Variants in ZC3H12B observed in about 807,000 individuals in gnomAD.
ZC3H12B encodes zinc finger CCCH-type containing 12B, also known as probable ribonuclease ZC3H12B.
In ZC3H12B, 7 loss-of-function variants were observed where a neutral mutation model predicts 43.9. That is an observed-to-expected ratio of 0.16 (90% CI 0.09 to 0.30). The LOEUF is 0.30. ZC3H12B is among the 10% of genes least tolerant of loss of function. The probability of loss-of-function intolerance (pLI) is 1.00; values close to 1 mark genes in which losing one functional copy is unlikely to be tolerated. For missense variants in ZC3H12B, 475 were observed against 670.2 expected (o/e 0.71, Z 3.22); for synonymous variants, 222 against 241.7 (o/e 0.92, Z 0.76).
chrX:65,188,495 G>C, the ZC3H12B span, among the ~76,000 whole-genome samples: 2 of 106,286 alleles, frequency 1.9e-5, no homozygotes, highest in African/African-American at 6.9e-5. Flanking sequence ...CCTGTCTTTT[G>C]AATATAGGCC....
At chrX:65,304,336 A>T in the ZC3H12B span, among the ~76,000 whole-genome samples, 1 of 111,842 alleles carries the variant, frequency 8.9e-6, no homozygotes, top group Non-Finnish European at 1.9e-5. Flanking sequence ...CATTTACCCG[A>T]CCGGGTGCGG....
At chrX:65,435,591 C>A (rs914396816) in intron 3 of ZC3H12B, among the ~76,000 whole-genome samples, 1 of 110,286 alleles carries the variant, frequency 9.1e-6, no homozygotes, top group African/African-American at 3.3e-5. Context: ...TATAGAACCA[C>A]TCCTGGTGCC....
At chrX:65,397,428 A>G (rs773648741) in intron 2 of ZC3H12B, among the ~76,000 whole-genome samples, 1 of 111,510 alleles carries the variant, frequency 9.0e-6, no homozygotes, top group African/African-American at 3.3e-5. Context: ...TTGTCTGTAA[A>G]CAATTTTATT....
the ZC3H12B span, among the ~76,000 whole-genome samples, chrX:65,051,292 G>A: frequency 4.5e-5 from 5 of 110,871 alleles, no homozygotes; most frequent in Non-Finnish European, 7.6e-5. Context: ...TCAAAAAAGC[G>A]CTTTTAATTT....
At chrX:65,386,201 G>T (rs911498470) in intron 2 of ZC3H12B, among the ~76,000 whole-genome samples, 1 of 111,605 alleles carries the variant, frequency 9.0e-6, no homozygotes, top group Non-Finnish European at 1.9e-5. Flanking sequence ...CTATTGATTG[G>T]AATAGTTTCA....
At chrX:65,091,128 G>A in the ZC3H12B span, among the ~76,000 whole-genome samples, 2 of 111,753 alleles carry the variant, frequency 1.8e-5, no homozygotes, top group Non-Finnish European at 3.8e-5. Context: ...AGCAATGCAA[G>A]AATGGACTAA....
chrX:65,188,341 G>A, the ZC3H12B span, among the ~76,000 whole-genome samples: 7,000 of 106,573 alleles, frequency 0.066, 276 homozygotes, highest in Non-Finnish European at 0.1. Context: ...GACATTGCTG[G>A]ATCATGTGGT....
At chrX:65,306,557 T>G in the ZC3H12B span, among the ~76,000 whole-genome samples, 1 of 110,979 alleles carries the variant, frequency 9.0e-6, no homozygotes, top group East Asian at 2.8e-4. Context: ...TGTGTTTTAA[T>G]AGAGACGGGG....
intron 4 of ZC3H12B, among the ~76,000 whole-genome samples, chrX:65,500,739 TTTTG>T (rs2148241666): frequency 9.1e-6 from 1 of 109,785 alleles, no homozygotes; most frequent in Admixed American, 9.7e-5. Flanking sequence ...CCTTTCCAGT[TTTTG>T]TTTTTTTTTT....
the ZC3H12B span, among the ~76,000 whole-genome samples, chrX:65,064,871 G>T: frequency 9.8e-5 from 11 of 111,713 alleles, no homozygotes; most frequent in African/African-American, 3.2e-4. Context: ...TCTTCTTCTT[G>T]TATTGATCCC....
chrX:65,225,400 G>A, the ZC3H12B span, among the ~76,000 whole-genome samples: 6 of 111,941 alleles, frequency 5.4e-5, no homozygotes, highest in African/African-American at 2.0e-4. Flanking sequence ...AAGACCAACA[G>A]TAGATAAAAC....
the ZC3H12B span, among the ~76,000 whole-genome samples, chrX:65,171,375 A>G: frequency 9.0e-6 from 1 of 110,915 alleles, no homozygotes; most frequent in Non-Finnish European, 1.9e-5. Context: ...AGAACGGCAA[A>G]TAGTGCTGCC....
chrX:65,102,802 G>A, the ZC3H12B span, among the ~76,000 whole-genome samples: 2 of 111,207 alleles, frequency 1.8e-5, no homozygotes, highest in Admixed American at 9.6e-5. Context: ...TTTAAAGCTG[G>A]GTGTCCAGGG....
chrX:65,391,752 C>T (rs1200334225), intron 2 of ZC3H12B, among the ~76,000 whole-genome samples: 3 of 111,086 alleles, frequency 2.7e-5, no homozygotes, highest in Non-Finnish European at 3.8e-5. Context: ...TCCCTCCTCC[C>T]GCTTTCCATG....
the ZC3H12B span, among the ~76,000 whole-genome samples, chrX:65,224,527 A>G: frequency 8.9e-6 from 1 of 112,657 alleles, no homozygotes; most frequent in Admixed American, 9.3e-5. Flanking sequence ...TGGGCGCAGG[A>G]CAGTGGGTGC....
chrX:65,246,876 C>G, the ZC3H12B span, among the ~76,000 whole-genome samples: 12 of 112,358 alleles, frequency 1.1e-4, no homozygotes, highest in South Asian at 4.0e-3. Flanking sequence ...ACACAAAAAG[C>G]AATTGCAACA....
At chrX:65,387,729 C>A (rs1399171145) in intron 2 of ZC3H12B, among the ~76,000 whole-genome samples, 1 of 112,270 alleles carries the variant, frequency 8.9e-6, no homozygotes, top group Non-Finnish European at 1.9e-5. Context: ...CAGTTTCTTC[C>A]TAGCCTGGAT....
the ZC3H12B span, among the ~76,000 whole-genome samples, chrX:65,298,382 G>T: frequency 9.8e-5 from 11 of 111,991 alleles, no homozygotes; most frequent in South Asian, 1.9e-3. Context: ...AAATTTGTGG[G>T]ATGCAGTAAA....
At chrX:65,187,660 T>A in the ZC3H12B span, among the ~76,000 whole-genome samples, 1 of 109,741 alleles carries the variant, frequency 9.1e-6, no homozygotes, top group African/African-American at 3.3e-5. Context: ...TTTTACTTTT[T>A]TTTTTTTTTT....
Sources: allele counts gnomAD v4.1 joint callset (sites outside exome capture counted in the v4.1 genomes callset), GRCh38; gene constraint gnomAD v4.1.1; transcripts MANE v1.5; gene names NCBI Gene and HGNC (gene_info 2026-07-23, HGNC 2026-07-21).